GALNT17: variants seen among roughly 807,000 people sequenced by gnomAD.
The protein encoded by GALNT17 is polypeptide N-acetylgalactosaminyltransferase 17, also known as UDP-GalNAc:polypeptide N-acetylgalactosaminyltransferase-like 3.
A neutral mutation model predicts 63.7 loss-of-function variants in GALNT17; 29 were observed. The ratio of observed to expected loss-of-function variants is 0.46; its 90% CI spans 0.34 to 0.62. The LOEUF (loss-of-function observed/expected upper bound fraction) is 0.62, where lower values mean the gene tolerates loss of function less well. GALNT17 is among the 20% of genes least tolerant of loss of function. The pLI, the probability that GALNT17 is intolerant of heterozygous loss-of-function variation, is 0.01. For missense variants in GALNT17, 603 were observed against 799.6 expected (o/e 0.75, Z 2.97); for synonymous variants, 305 against 318.3 (o/e 0.96, Z 0.45).
intron 8 of GALNT17, among the ~76,000 whole-genome samples, chr7:71,676,870 G>A (rs931986996): frequency 6.6e-6 from 1 of 152,138 alleles, no homozygotes; most frequent in Non-Finnish European, 1.5e-5. Context: ...CCACTTAGAA[G>A]CTTCAAAGCT....
At position 71,416,055 on chromosome 7, in the gene GALNT17, C is replaced by T. The variant is rs372434327; in HGVS notation, c.756C>T (p.Thr252=). 3.7e-5 allele frequency: 59 copies of T among 1,610,188 alleles called. No homozygotes were observed. In the South Asian group the frequency reaches 4.3e-4, roughly 12 times the overall value. Residue 252 remains threonine, a synonymous_variant, in exon 4 of 11, where the codon ACC becomes ACT. Transcript: ENST00000333538. ...TGFFDAHVEF[T]AGWAEPVLSR... ...TCTTTGATGCCCACGTGGAATTCAC[C>T]GCTGGCTGGTAGGTCATGAGCTGAA...
intron 2 of GALNT17, among the ~76,000 whole-genome samples, chr7:71,362,277 T>C (rs1316612595): frequency 6.6e-6 from 1 of 152,184 alleles, no homozygotes; most frequent in Non-Finnish European, 1.5e-5. Flanking sequence ...ATTTTGTCTT[T>C]GTGACTAAAT....
intron 1 of GALNT17, among the ~76,000 whole-genome samples, chr7:71,239,719 C>T (rs1288525825): frequency 1.3e-5 from 2 of 152,112 alleles, no homozygotes; most frequent in Non-Finnish European, 2.9e-5. Context: ...TCACTCCAGG[C>T]CCCAAAGTAG....
At chr7:71,342,597 T>C (rs1215374707) in intron 2 of GALNT17, among the ~76,000 whole-genome samples, 1 of 152,182 alleles carries the variant, frequency 6.6e-6, no homozygotes, top group Non-Finnish European at 1.5e-5. Flanking sequence ...GTAGCTCAGC[T>C]CTGAGCAATA....
intron 1 of GALNT17, among the ~76,000 whole-genome samples, chr7:71,135,717 C>T (rs1260800607): frequency 6.6e-6 from 1 of 152,190 alleles, no homozygotes; most frequent in African/African-American, 2.4e-5. Context: ...CAGTCTGCTG[C>T]CTACATCAAG....
At chr7:71,629,815 T>C (rs1040490533) in intron 6 of GALNT17, among the ~76,000 whole-genome samples, 2 of 152,174 alleles carry the variant, frequency 1.3e-5, no homozygotes, top group Admixed American at 6.5e-5. Context: ...AGAGAGGCAG[T>C]CTTGCTGTAT....
chr7:71,693,318 A>ATT (rs1791490351), intron 9 of GALNT17, among the ~76,000 whole-genome samples: 2 of 146,978 alleles, frequency 1.4e-5, no homozygotes, highest in African/African-American at 2.5e-5. Flanking sequence ...ACATATATAT[A>ATT]TATGGAGACA....
At chr7:71,595,839 G>C (rs184892702) in intron 6 of GALNT17, among the ~76,000 whole-genome samples, 2 of 152,112 alleles carry the variant, frequency 1.3e-5, no homozygotes, top group Non-Finnish European at 2.9e-5. Flanking sequence ...AACATGACAC[G>C]CAGGAAGATT....
rs140204281 is a variant in GALNT17, at chr7:71,235,050, A to G, written c.239-100500A>G. 7.2e-3 allele frequency among the ~76,000 whole-genome samples: 1,097 copies of G among 152,204 alleles called. 27 individuals carry two copies. Among genetic ancestry groups the G allele is most frequent in the East Asian group, 0.066 (342 of 5,156 alleles). On this transcript the variant is annotated intron_variant, in intron 1 of 10. Coordinates refer to ENST00000333538, the MANE Select transcript of GALNT17 (RefSeq NM_022479.3). ...CAGATTGCCTGAGCTCAGGAGTTTG[A>G]GACCAGCCTGGGCAACACAGTGAAA...
intron 7 of GALNT17, among the ~76,000 whole-genome samples, chr7:71,667,620 T>G (rs1285545389): frequency 6.6e-6 from 1 of 152,144 alleles, no homozygotes; most frequent in African/African-American, 2.4e-5. Flanking sequence ...TTGATATGAA[T>G]GTATTATGAT....
chr7:71,467,788 C>T (rs1174247678), intron 5 of GALNT17, among the ~76,000 whole-genome samples: 1 of 152,014 alleles, frequency 6.6e-6, no homozygotes, highest in African/African-American at 2.4e-5. Context: ...CAAAAAAACC[C>T]TCAAAATCTG....
chr7:71,297,931 G>C (rs1325641390), intron 1 of GALNT17, among the ~76,000 whole-genome samples: 3 of 152,198 alleles, frequency 2.0e-5, no homozygotes, highest in Admixed American at 6.5e-5. Flanking sequence ...AGTCAGGAAG[G>C]CACTTTTGTT....
At chr7:71,546,215 C>T (rs1430500183) in intron 5 of GALNT17, among the ~76,000 whole-genome samples, 1 of 149,374 alleles carries the variant, frequency 6.7e-6, no homozygotes, top group Non-Finnish European at 1.5e-5. Flanking sequence ...GGCTGAAGTG[C>T]AATGGCACAA....
intron 1 of GALNT17, among the ~76,000 whole-genome samples, chr7:71,246,115 GT>G (rs61447370): frequency 0.26 from 24,250 of 92,260 alleles, 1,786 homozygotes; most frequent in East Asian, 0.47. Context: ...TTTTTTCGTT[GT>G]TTTTTTTTTT....
chr7:71,398,174 G>T (rs1443977241), intron 3 of GALNT17, among the ~76,000 whole-genome samples: 1 of 151,740 alleles, frequency 6.6e-6, no homozygotes, highest in East Asian at 1.9e-4. Flanking sequence ...ATCCATTTTT[G>T]GAAATTTCTT....
intron 1 of GALNT17, among the ~76,000 whole-genome samples, chr7:71,297,545 C>G (rs1317757277): frequency 6.6e-6 from 1 of 152,092 alleles, no homozygotes; most frequent in African/African-American, 2.4e-5. Flanking sequence ...TGGAGGATTG[C>G]TTGGGCCCAG....
intron 1 of GALNT17, among the ~76,000 whole-genome samples, chr7:71,279,010 C>A (rs1044907679): frequency 1.3e-5 from 2 of 151,874 alleles, no homozygotes; most frequent in African/African-American, 4.8e-5. Flanking sequence ...ACTGCAACCT[C>A]CACCTCCCGA....
chr7:71,295,288 T>C (rs1791057475), intron 1 of GALNT17, among the ~76,000 whole-genome samples: 2 of 152,174 alleles, frequency 1.3e-5, no homozygotes, highest in Admixed American at 6.5e-5. Context: ...TCTAGAACAT[T>C]TTCCCTGTAC....
intron 1 of GALNT17, among the ~76,000 whole-genome samples, chr7:71,185,526 T>TC (rs1418332466): frequency 6.8e-6 from 1 of 146,462 alleles, no homozygotes; most frequent in African/African-American, 2.5e-5. Flanking sequence ...TCTTTTCTTT[T>TC]TTTTTTTTTT....
Sources: gnomAD v4.1 joint callset for allele counts (sites outside exome capture counted in the v4.1 genomes callset) on GRCh38, gnomAD v4.1.1 for gene constraint, MANE v1.5 for transcripts, NCBI Gene and HGNC (gene_info 2026-07-23, HGNC 2026-07-21) for gene names.